The following RPGRIP1L variants were observed in gnomAD, a reference collection of about 807,000 sequenced individuals.
RPGRIP1L encodes protein fantom.
Under a neutral mutation model 160.4 loss-of-function variants are expected in RPGRIP1L, and 131 were observed. That is an observed-to-expected ratio of 0.82 (90% CI 0.71 to 0.94). RPGRIP1L has a LOEUF of 0.94. Ranked by LOEUF, RPGRIP1L falls within the 40% of genes least tolerant of loss-of-function variation. The pLI, the probability that RPGRIP1L is intolerant of heterozygous loss-of-function variation, is 0.00. For synonymous variants in RPGRIP1L, 510 were observed against 515.8 expected, an observed-to-expected ratio of 0.99 and a Z score of 0.15; for missense variants, 1,522 against 1,535.8, an observed-to-expected ratio of 0.99 and a Z score of 0.15.
intron 22 of RPGRIP1L, among the ~76,000 whole-genome samples, chr16:53,625,427 G>C (rs567091319): frequency 6.7e-6 from 1 of 148,594 alleles, no homozygotes; most frequent in South Asian, 2.2e-4. Context: ...CCCGTCTGGG[G>C]GGTGGGGTGG....
intron 9 of RPGRIP1L, among the ~76,000 whole-genome samples, chr16:53,668,241 A>G (rs908014920): frequency 6.6e-6 from 1 of 152,192 alleles, no homozygotes; most frequent in Non-Finnish European, 1.5e-5. Context: ...TATGGTTTCT[A>G]GAAGGTTACA....
rs1965772463 is a variant in RPGRIP1L, at chr16:53,635,293, A to C, written c.3294+1146T>G. 3.3e-5 allele frequency: 5 copies of C among 152,278 alleles called. No homozygotes were observed. In the South Asian group the frequency reaches 1.0e-3, roughly 32 times the overall value. 9.4% of individuals were successfully genotyped at this position (152,278 alleles called of 1,614,324 possible). On this transcript the variant is annotated intron_variant, in intron 22 of 26. Coordinates refer to ENST00000647211, the MANE Select transcript of RPGRIP1L (RefSeq NM_015272.5). ...TGCAGGTCTAAGTAGGAGTTTTCATAGATTGGATGCTGTTATTGTAATTAA... is the reference window on the plus strand; with the variant it reads ...TGCAGGTCTAAGTAGGAGTTTTCATCGATTGGATGCTGTTATTGTAATTAA...
chr16:53,646,096 A>G (rs1201517084), intron 16 of RPGRIP1L, 93 bp from the exon 17 acceptor site: 15 of 1,138,626 alleles, frequency 1.3e-5, no homozygotes, highest in Non-Finnish European at 1.9e-5. Flanking sequence ...TTTGTCAATG[A>G]CAAAAGCTGC....
At chr16:53,636,795 G>A (rs1423025528) in intron 21 of RPGRIP1L, among the ~76,000 whole-genome samples, 1 of 152,056 alleles carries the variant, frequency 6.6e-6, no homozygotes, top group Admixed American at 6.6e-5. Context: ...GAGAACCATA[G>A]GGTAATAGAT....
chr16:53,623,518 A>C (rs1964876976), intron 22 of RPGRIP1L, among the ~76,000 whole-genome samples: 1 of 152,188 alleles, frequency 6.6e-6, no homozygotes. Flanking sequence ...CTTACACTCT[A>C]GCCACTCCTT....
chr16:53,658,542 C>T (rs1967467717), intron 11 of RPGRIP1L, 78 bp from the exon 12 acceptor site: 2 of 1,183,212 alleles, frequency 1.7e-6, no homozygotes, highest in Non-Finnish European at 2.5e-6. Flanking sequence ...TCAAATTATC[C>T]CCATGAAACA....
rs1386379369 is a variant in RPGRIP1L at position 53,636,502 on chromosome 16, G to A, written c.3231C>T (p.Asp1077=). 7.5e-6 allele frequency: 12 copies of A among 1,609,020 alleles called. No homozygotes were observed. Among genetic ancestry groups the A allele is most frequent in the Non-Finnish European group, 1.0e-5 (12 of 1,175,782 alleles). Residue 1077 remains aspartate, a synonymous_variant, in exon 22 of 27, where the codon GAC becomes GAT. Coordinates refer to ENST00000647211, the MANE Select transcript of RPGRIP1L (RefSeq NM_015272.5). The part of the protein sequence containing the change: ...TEDLEPEVEE[D]MSASDSDDCI... ...AGTCATCACTGTCAGAAGCTGACAT[G>A]TCCTCTTCAACTGTTTAAAAAATAA...
intron 10 of RPGRIP1L, chr16:53,659,537 T>A (rs1967583568): frequency 6.6e-6 from 1 of 152,458 alleles, no homozygotes; most frequent in Non-Finnish European, 1.5e-5. Context: ...TTCCAACAGG[T>A]CTATTACATT....
At chr16:53,638,154 G>C (rs1317621451) in intron 20 of RPGRIP1L, among the ~76,000 whole-genome samples, 156 bp downstream of exon 20, 1 of 152,006 alleles carries the variant, frequency 6.6e-6, no homozygotes, top group African/African-American at 2.4e-5. Flanking sequence ...AATTATGGCT[G>C]TTACCCTTGT....
At chr16:53,688,924 A>G (rs1970201618) in intron 4 of RPGRIP1L, among the ~76,000 whole-genome samples, 2 of 151,996 alleles carry the variant, frequency 1.3e-5, no homozygotes, top group African/African-American at 2.4e-5. Flanking sequence ...GAATTTGCCA[A>G]TTGTATTATT....
chr16:53,664,595 G>A (rs1968079059), intron 10 of RPGRIP1L, among the ~76,000 whole-genome samples: 1 of 152,128 alleles, frequency 6.6e-6, no homozygotes, highest in Admixed American at 6.6e-5. Context: ...CAACTGTTGA[G>A]TAAAGAAAGG....
At chr16:53,689,883 A>G (rs1261370793) in intron 4 of RPGRIP1L, among the ~76,000 whole-genome samples, 2 of 152,208 alleles carry the variant, frequency 1.3e-5, no homozygotes, top group African/African-American at 4.8e-5. Context: ...TCACCAAGAG[A>G]GTACAAATGT....
intron 22 of RPGRIP1L, among the ~76,000 whole-genome samples, chr16:53,625,549 C>A (rs8057675): frequency 1.3e-5 from 2 of 150,328 alleles, no homozygotes; most frequent in Non-Finnish European, 3.0e-5. Flanking sequence ...CCGGCAGCCA[C>A]CCCGTCTTGG....
At chr16:53,677,818 G>T (rs954257836) in intron 6 of RPGRIP1L, among the ~76,000 whole-genome samples, 2 of 152,096 alleles carry the variant, frequency 1.3e-5, no homozygotes, top group Non-Finnish European at 1.5e-5. Flanking sequence ...CTAATTTTAT[G>T]AGTAATATTT....
At chr16:53,626,530 C>T (rs1025744410) in intron 22 of RPGRIP1L, among the ~76,000 whole-genome samples, 23 of 152,138 alleles carry the variant, frequency 1.5e-4, no homozygotes, top group Admixed American at 3.9e-4. Context: ...GTGGGCTGGC[C>T]GTGGGGACTC....
chr16:53,663,106 C>T (rs748594352), intron 10 of RPGRIP1L, among the ~76,000 whole-genome samples: 5 of 151,730 alleles, frequency 3.3e-5, no homozygotes, highest in Non-Finnish European at 7.4e-5. Flanking sequence ...GATTATTTTG[C>T]TAATATTTTG....
At chr16:53,687,346 A>G (rs1228194883) in intron 5 of RPGRIP1L, among the ~76,000 whole-genome samples, 3 of 152,114 alleles carry the variant, frequency 2.0e-5, no homozygotes, top group Non-Finnish European at 2.9e-5. Context: ...GATTAACTAG[A>G]AAAGTAAGCT....
chr16:53,687,839 A>G, intron 5 of RPGRIP1L, 24 bp downstream of exon 5: 2 of 1,423,096 alleles, frequency 1.4e-6, no homozygotes, highest in Non-Finnish European at 2.0e-6. Context: ...AAGTTCTCAA[A>G]TTACCACAAA....
intron 2 of RPGRIP1L, among the ~76,000 whole-genome samples, chr16:53,697,928 C>A (rs1205244692): frequency 3.7e-4 from 57 of 152,048 alleles, no homozygotes; most frequent in Non-Finnish European, 6.0e-4. Flanking sequence ...AGCGCCTCTT[C>A]CCGGCCGCCA....
Sources: allele counts gnomAD v4.1 joint callset (sites outside exome capture counted in the v4.1 genomes callset), GRCh38; gene constraint gnomAD v4.1.1; transcripts MANE v1.5; gene names NCBI Gene and HGNC (gene_info 2026-07-23, HGNC 2026-07-21).